The following ANO10 variants were observed in gnomAD, a reference collection of about 807,000 sequenced individuals.
The protein encoded by ANO10 is anoctamin-10.
A neutral mutation model predicts 74.7 loss-of-function variants in ANO10; 77 were observed. The ratio of observed to expected loss-of-function variants is 1.03; its 90% CI spans 0.86 to 1.25. The LOEUF (loss-of-function observed/expected upper bound fraction) is 1.25, where lower values mean the gene tolerates loss of function less well. Ranked by LOEUF, ANO10 falls within the 50% of genes most tolerant of loss-of-function variation. ANO10 has a pLI of 0.00. For synonymous variants in ANO10, 279 were observed against 284.9 expected, an observed-to-expected ratio of 0.98 and a Z score of 0.21; for missense variants, 721 against 778.1, an observed-to-expected ratio of 0.93 and a Z score of 0.87.
chr3:43,371,714 C>T (rs1410119421), intron 12 of ANO10, among the ~76,000 whole-genome samples: 3 of 152,198 alleles, frequency 2.0e-5, no homozygotes, highest in Non-Finnish European at 4.4e-5. Flanking sequence ...ACAGGTGTCA[C>T]TGACATGGCC....
At chr3:43,532,503 T>C (rs552362820) in intron 11 of ANO10, among the ~76,000 whole-genome samples, 1 of 152,378 alleles carries the variant, frequency 6.6e-6, no homozygotes, top group East Asian at 1.9e-4. Flanking sequence ...GATTCCTTAA[T>C]GACTTCCACA....
intron 1 of ANO10, chr3:43,690,274 C>G (rs544601712): frequency 6.6e-6 from 1 of 152,272 alleles, no homozygotes; most frequent in East Asian, 1.9e-4. Flanking sequence ...AGGCTGGTCT[C>G]CAACTCCCGA....
At position 43,571,539 on chromosome 3, in the gene ANO10, C is replaced by T. The variant is rs552717387; in HGVS notation, c.1218+3270G>A. ...GATGAGTTCATGTCCTTTGTAGGGACATGGATGAAACTGGAAATCATCATT... is the reference window on the plus strand; with the variant it reads ...GATGAGTTCATGTCCTTTGTAGGGATATGGATGAAACTGGAAATCATCATT... On this transcript the variant is annotated intron_variant, in intron 7 of 12. Coordinates refer to ENST00000292246, the MANE Select transcript of ANO10 (RefSeq NM_018075.5). 2.0e-5 allele frequency among the ~76,000 whole-genome samples: 3 copies of T among 152,200 alleles called. No homozygotes were observed. In the East Asian group the frequency reaches 5.8e-4, roughly 29 times the overall value.
chr3:43,432,685 G>A lies in ANO10; in HGVS notation c.1840C>T (p.Pro614Ser). Reference protein sequence around the residue: ...ALKFILAFAIPDKPRHIQMKL... With the variant: ...ALKFILAFAISDKPRHIQMKL... The stretch of plus-strand genomic sequence containing the variant: ...ATCTGGATATGCCGTGGCTTATCAG[G>A]TATGGCAAATGCAAGTATAAACTTT... Residue 614 changes from proline (P) to serine (S), a missense_variant, in exon 12 of 13, where the codon CCT (proline) becomes TCT (serine). Pro to Ser is a moderately conservative substitution (Grantham distance 74). Coordinates refer to ENST00000292246, the MANE Select transcript of ANO10 (RefSeq NM_018075.5). 1 of 1,613,880 alleles carries A rather than the reference G, an allele frequency of 6.2e-7. No individual in the cohort carries two copies. The highest frequency in any genetic ancestry group is 8.5e-7 in the Non-Finnish European group (1 of 1,179,912).
chr3:43,385,645 T>C (rs533699204), intron 12 of ANO10, among the ~76,000 whole-genome samples: 2 of 150,734 alleles, frequency 1.3e-5, no homozygotes, highest in Admixed American at 6.7e-5. Flanking sequence ...AGACATTAAG[T>C]AAGGTAACTC....
At chr3:43,573,276 T>A (rs2080829469) in intron 7 of ANO10, among the ~76,000 whole-genome samples, 1 of 152,190 alleles carries the variant, frequency 6.6e-6, no homozygotes, top group Non-Finnish European at 1.5e-5. Context: ...TCGAAGCCTT[T>A]TGGATATGTA....
chr3:43,672,081 G>A (rs944386346), intron 1 of ANO10, among the ~76,000 whole-genome samples: 1 of 152,180 alleles, frequency 6.6e-6, no homozygotes, highest in Non-Finnish European at 1.5e-5. Context: ...CCTGTTGCAT[G>A]ACTGCTGGGA....
chr3:43,498,532 G>C (rs995094094), intron 11 of ANO10, among the ~76,000 whole-genome samples: 1 of 152,174 alleles, frequency 6.6e-6, no homozygotes, highest in Non-Finnish European at 1.5e-5. Context: ...CATATGGAGG[G>C]AAGAGTAGGG....
At chr3:43,617,106 C>T (rs1321269402) in intron 1 of ANO10, among the ~76,000 whole-genome samples, 1 of 149,806 alleles carries the variant, frequency 6.7e-6, no homozygotes, top group Non-Finnish European at 1.5e-5. Flanking sequence ...AAACTGAGTT[C>T]TGGAATCTAC....
chr3:43,376,546 A>C (rs2091812984), intron 12 of ANO10, among the ~76,000 whole-genome samples: 2 of 152,370 alleles, frequency 1.3e-5, no homozygotes, highest in South Asian at 4.1e-4. Flanking sequence ...TGGAATGACC[A>C]TCAACTATGT....
intron 1 of ANO10, among the ~76,000 whole-genome samples, chr3:43,615,797 G>T (rs10440111): frequency 6.6e-6 from 1 of 151,538 alleles, no homozygotes; most frequent in Non-Finnish European, 1.5e-5. Flanking sequence ...GGGACTACAG[G>T]GGCATGCCAC....
intron 1 of ANO10, among the ~76,000 whole-genome samples, chr3:43,609,641 T>C (rs2082719315): frequency 6.6e-6 from 1 of 152,226 alleles, no homozygotes; most frequent in Non-Finnish European, 1.5e-5. Flanking sequence ...CTAGATGGCA[T>C]AACCTATTAC....
intron 9 of ANO10, among the ~76,000 whole-genome samples, chr3:43,557,287 T>A (rs2149333267): frequency 6.6e-6 from 1 of 152,246 alleles, no homozygotes; most frequent in Middle Eastern, 3.4e-3. Context: ...TCCAAAATCA[T>A]TTCACTCAAA....
At chr3:43,597,746 G>A (rs1268330414) in intron 4 of ANO10, among the ~76,000 whole-genome samples, 5 of 151,912 alleles carry the variant, frequency 3.3e-5, no homozygotes, top group Non-Finnish European at 4.4e-5. Context: ...ATGTACCCTA[G>A]AACTTAAAGT....
intron 11 of ANO10, among the ~76,000 whole-genome samples, chr3:43,460,227 A>T (rs2075318226): frequency 6.6e-6 from 1 of 152,220 alleles, no homozygotes; most frequent in Non-Finnish European, 1.5e-5. Context: ...GGCTTTGGCT[A>T]TGGAAAAAGC....
At chr3:43,611,420 T>C (rs928497243) in intron 1 of ANO10, among the ~76,000 whole-genome samples, 2 of 152,234 alleles carry the variant, frequency 1.3e-5, no homozygotes, top group Non-Finnish European at 2.9e-5. Context: ...CTCTGATTAA[T>C]AGTATACAAT....
chr3:43,436,554 C>G (rs931061545), intron 11 of ANO10, among the ~76,000 whole-genome samples: 1 of 151,952 alleles, frequency 6.6e-6, no homozygotes, highest in African/African-American at 2.4e-5. Flanking sequence ...TGGCTCCCCA[C>G]AAAAATATGC....
intron 12 of ANO10, among the ~76,000 whole-genome samples, chr3:43,398,992 T>C (rs2092432417): frequency 6.6e-6 from 1 of 152,154 alleles, no homozygotes; most frequent in Admixed American, 6.5e-5. Context: ...CATGCCCAGC[T>C]AATTTTTGTA....
chr3:43,537,341 T>C (rs920136088), intron 11 of ANO10, among the ~76,000 whole-genome samples: 3 of 152,202 alleles, frequency 2.0e-5, no homozygotes, highest in Non-Finnish European at 4.4e-5. Flanking sequence ...CTGTGAAATA[T>C]TCCCTCAACC....
Sources: gnomAD v4.1 joint callset for allele counts (sites outside exome capture counted in the v4.1 genomes callset) on GRCh38, gnomAD v4.1.1 for gene constraint, MANE v1.5 for transcripts, NCBI Gene and HGNC (gene_info 2026-07-23, HGNC 2026-07-21) for gene names.